SSH2: variants seen among roughly 807,000 people sequenced by gnomAD.
SSH2 encodes the protein slingshot protein phosphatase 2.
In SSH2, 37 loss-of-function variants were observed where a neutral mutation model predicts 135.2. That is an observed-to-expected ratio of 0.27 (90% CI 0.21 to 0.36). The LOEUF (loss-of-function observed/expected upper bound fraction) is 0.36, where lower values mean the gene tolerates loss of function less well. Among genes scored for constraint, SSH2 ranks in the 10% least tolerant of loss-of-function variants. The pLI is 1.00. For synonymous variants in SSH2, 628 were observed against 646.2 expected, an observed-to-expected ratio of 0.97 and a Z score of 0.43; for missense variants, 1,408 against 1,765.3, an observed-to-expected ratio of 0.80 and a Z score of 3.63.
chr17:29,742,427 T>G (rs1450477214), intron 3 of SSH2, among the ~76,000 whole-genome samples: 3 of 140,668 alleles, frequency 2.1e-5, no homozygotes, highest in African/African-American at 8.0e-5. Context: ...CAAACAATCC[T>G]CCTGGGTCAG....
intron 6 of SSH2, among the ~76,000 whole-genome samples, chr17:29,680,677 A>G (rs1460108246): frequency 6.6e-6 from 1 of 151,124 alleles, no homozygotes; most frequent in Non-Finnish European, 1.5e-5. Context: ...CTACCATGCC[A>G]GAGTCCAGGA....
intron 5 of SSH2, among the ~76,000 whole-genome samples, chr17:29,692,893 A>G (rs746143912): frequency 2.0e-5 from 3 of 152,184 alleles, no homozygotes; most frequent in African/African-American, 4.8e-5. Flanking sequence ...GAGTCCACCA[A>G]TTGGTGATTT....
intron 3 of SSH2, among the ~76,000 whole-genome samples, chr17:29,711,956 T>C (rs1166094799): frequency 6.6e-6 from 1 of 152,188 alleles, no homozygotes; most frequent in Non-Finnish European, 1.5e-5. Flanking sequence ...AATGTATGCC[T>C]GTGACACAGC....
At chr17:29,738,283 T>C (rs2040437441) in intron 3 of SSH2, among the ~76,000 whole-genome samples, 1 of 152,076 alleles carries the variant, frequency 6.6e-6, no homozygotes. Context: ...CTGCATAGTA[T>C]TCCATGGTGT....
At chr17:29,761,182 G>T (rs1298870722) in intron 3 of SSH2, 1 of 1,289,714 alleles carries the variant, frequency 7.8e-7, no homozygotes, top group Non-Finnish European at 1.0e-6. Flanking sequence ...AGATGACCGC[G>T]TTGGCGGAGA....
At chr17:29,695,577 A>T in intron 4 of SSH2, 54 bp from the exon 5 acceptor site, 1 of 1,494,154 alleles carries the variant, frequency 6.7e-7, no homozygotes, top group Non-Finnish European at 9.2e-7. Flanking sequence ...ATGTTGACAG[A>T]GAGGATTCCT....
intron 9 of SSH2, among the ~76,000 whole-genome samples, chr17:29,669,103 G>A (rs922148029): frequency 2.2e-4 from 33 of 151,984 alleles, no homozygotes; most frequent in African/African-American, 5.8e-4. Context: ...ACAAAAATTA[G>A]CCGGGCATGG....
chr17:29,804,778 C>A (rs1428496605), intron 2 of SSH2, among the ~76,000 whole-genome samples: 1 of 150,516 alleles, frequency 6.6e-6, no homozygotes, highest in Non-Finnish European at 1.5e-5. Context: ...TTCAAGTGTT[C>A]TCTCGCCTCA....
rs375725384 is a variant in SSH2, at chr17:29,824,490, AT to A, written c.144+24358del. Among the ~76,000 whole-genome samples, 35 of 152,168 alleles carry A rather than the reference AT, an allele frequency of 2.3e-4. No homozygotes were observed. In the East Asian group the frequency reaches 6.6e-3, roughly 29 times the overall value. ...CCCAGACTCCCAAGCTTCCCCTCTC[AT>A]TTCACTGCCCTGAAGTGGATCACAT... On this transcript the variant is annotated intron_variant, in intron 2 of 15. Transcript: ENST00000540801.
At chr17:29,738,081 C>T (rs1027120294) in intron 3 of SSH2, among the ~76,000 whole-genome samples, 1 of 152,196 alleles carries the variant, frequency 6.6e-6, no homozygotes, top group African/African-American at 2.4e-5. Flanking sequence ...TCCACCCTCC[C>T]GTGACCCCAC....
intron 1 of SSH2, among the ~76,000 whole-genome samples, chr17:29,886,862 G>A (rs2066249100): frequency 1.3e-5 from 2 of 152,096 alleles, no homozygotes; most frequent in African/African-American, 4.8e-5. Context: ...GTAACAAGGG[G>A]CTGAATGTTA....
intron 14 of SSH2, among the ~76,000 whole-genome samples, chr17:29,638,828 T>G (rs2036028193): frequency 6.6e-6 from 1 of 152,078 alleles, no homozygotes; most frequent in African/African-American, 2.4e-5. Flanking sequence ...ATTATTGGAG[T>G]GAGCCACCAA....
At chr17:29,830,326 T>A (rs2042823527) in intron 2 of SSH2, among the ~76,000 whole-genome samples, 1 of 152,152 alleles carries the variant, frequency 6.6e-6, no homozygotes, top group Admixed American at 6.5e-5. Context: ...CCCACCTAAC[T>A]TTTCCCTGGT....
intron 3 of SSH2, among the ~76,000 whole-genome samples, chr17:29,750,094 T>C (rs1325945296): frequency 6.6e-6 from 1 of 152,096 alleles, no homozygotes; most frequent in Non-Finnish European, 1.5e-5. Context: ...TTATAAACTT[T>C]ATAATTATTT....
chr17:29,743,293 G>A (rs1405209860), intron 3 of SSH2, among the ~76,000 whole-genome samples: 1 of 152,038 alleles, frequency 6.6e-6, no homozygotes, highest in Admixed American at 6.6e-5. Flanking sequence ...TAAATGCCTA[G>A]GGGATTCTCC....
At chr17:29,856,547 C>G (rs561621448) in intron 1 of SSH2, among the ~76,000 whole-genome samples, 76 of 152,168 alleles carry the variant, frequency 5.0e-4, no homozygotes, top group Non-Finnish European at 7.5e-4. Context: ...TGCACTCCAG[C>G]TTGGGCAACA....
intron 3 of SSH2, among the ~76,000 whole-genome samples, chr17:29,707,515 C>T (rs1410974873): frequency 6.6e-6 from 1 of 151,930 alleles, no homozygotes; most frequent in African/African-American, 2.4e-5. Flanking sequence ...ACAAGGTAGG[C>T]CAACAGACTA....
chr17:29,882,803 G>A (rs1316115017), intron 1 of SSH2, among the ~76,000 whole-genome samples: 2 of 152,100 alleles, frequency 1.3e-5, no homozygotes, highest in South Asian at 2.1e-4. Context: ...AGTCTACCAA[G>A]TTATCATCAA....
chr17:29,920,206 G>T (rs2066952022), intron 1 of SSH2, among the ~76,000 whole-genome samples: 1 of 152,140 alleles, frequency 6.6e-6, no homozygotes, highest in African/African-American at 2.4e-5. Context: ...CAGCTATCAG[G>T]AGTGATATTT....
Sources: gnomAD v4.1 joint callset for allele counts (sites outside exome capture counted in the v4.1 genomes callset) on GRCh38, gnomAD v4.1.1 for gene constraint, MANE v1.5 for transcripts, NCBI Gene and HGNC (gene_info 2026-07-23, HGNC 2026-07-21) for gene names.